The following SELENOI variants were observed in gnomAD, a reference collection of about 807,000 sequenced individuals.
The protein encoded by SELENOI is selenoprotein I, also known as ethanolaminephosphotransferase 1.
Under a neutral mutation model 50.7 loss-of-function variants are expected in SELENOI, and 24 were observed. The ratio of observed to expected loss-of-function variants is 0.47; its 90% confidence interval spans 0.34 to 0.67. The LOEUF (loss-of-function observed/expected upper bound fraction) is 0.67. SELENOI is among the 30% of genes least tolerant of loss of function. SELENOI has a pLI of 0.01. For missense variants in SELENOI, 352 were observed against 461.4 expected (o/e 0.76, Z 2.17); for synonymous variants, 155 against 170.2 (o/e 0.91, Z 0.70).
chr2:26,366,945 C>CTGT (rs1206103523), intron 3 of SELENOI, among the ~76,000 whole-genome samples: 1 of 152,194 alleles, frequency 6.6e-6, no homozygotes, highest in Non-Finnish European at 1.5e-5. Flanking sequence ...TAACTGCTTA[C>CTGT]TGTTTGTGAC....
intron 4 of SELENOI, 132 bp downstream of exon 4, chr2:26,367,352 A>G: frequency 3.1e-6 from 2 of 639,484 alleles, no homozygotes; most frequent in Non-Finnish European, 4.8e-6. Context: ...GTTCAAATTG[A>G]TAAATATGTT....
intron 4 of SELENOI, among the ~76,000 whole-genome samples, chr2:26,372,264 C>T (rs1344282886): frequency 6.6e-6 from 1 of 152,206 alleles, no homozygotes; most frequent in Non-Finnish European, 1.5e-5. Flanking sequence ...AGGTGTGCAC[C>T]ATCCCCGGCT....
At chr2:26,350,140 A>G (rs1027294763) in intron 1 of SELENOI, among the ~76,000 whole-genome samples, 1 of 151,670 alleles carries the variant, frequency 6.6e-6, no homozygotes, top group Non-Finnish European at 1.5e-5. Context: ...AAATATATAT[A>G]TAGTTTCATG....
At chr2:26,388,923 T>C in intron 9 of SELENOI, 82 bp from the exon 10 acceptor site, 1 of 1,072,394 alleles carries the variant, frequency 9.3e-7, no homozygotes, top group African/African-American at 1.6e-5. Flanking sequence ...TAAATTGTTA[T>C]CTCTAGGGGG....
intron 1 of SELENOI, among the ~76,000 whole-genome samples, chr2:26,360,771 A>G (rs779459246): frequency 8.0e-5 from 12 of 150,670 alleles, no homozygotes; most frequent in Admixed American, 2.0e-4. Flanking sequence ...GGGCCCTCCT[A>G]TCTTGTCATT....
chr2:26,357,672 C>A (rs1677091893), intron 1 of SELENOI, among the ~76,000 whole-genome samples: 1 of 152,176 alleles, frequency 6.6e-6, no homozygotes, highest in Admixed American at 6.5e-5. Flanking sequence ...GGCCTTCTTC[C>A]CTGTGTTTCT....
In SELENOI at chr2:26,385,091, T is replaced by A; in HGVS notation, c.864T>A (p.His288Gln). The change falls in exon 8 of 10, where the codon CAT becomes CAA. Residue 288 changes from histidine (H) to glutamine (Q), a missense_variant. His to Gln is a conservative substitution (Grantham distance 24). Coordinates refer to ENST00000260585, the MANE Select transcript of SELENOI (RefSeq NM_033505.4). The part of the protein sequence containing the change: ...LWSPSDILEL[H>Q]PRVFYFMVGT... ...CACCTTCAGATATTTTAGAGCTACATCCTAGAGTATTCTACTTTATGGTTG... is the reference window on the plus strand; with the variant it reads ...CACCTTCAGATATTTTAGAGCTACAACCTAGAGTATTCTACTTTATGGTTG... The A allele has an allele frequency of 6.2e-7, 1 of 1,610,470 alleles. No individual in the cohort carries two copies. Among genetic ancestry groups the A allele is most frequent in the Non-Finnish European group, 8.5e-7 (1 of 1,178,284 alleles).
chr2:26,371,100 A>G (rs866826244), intron 4 of SELENOI, among the ~76,000 whole-genome samples: 173 of 101,026 alleles, frequency 1.7e-3, no homozygotes, highest in South Asian at 9.9e-3. Flanking sequence ...TGGCCGGGCC[A>G]GGGGCTGACC....
chr2:26,385,880 A>G (rs1677828754), intron 8 of SELENOI, among the ~76,000 whole-genome samples: 1 of 152,246 alleles, frequency 6.6e-6, no homozygotes, highest in South Asian at 2.1e-4. Context: ...ATTAAATTAT[A>G]TTCAAGTAAG....
At chr2:26,365,260 C>A (rs997115617) in intron 3 of SELENOI, among the ~76,000 whole-genome samples, 2 of 152,210 alleles carry the variant, frequency 1.3e-5, no homozygotes, top group East Asian at 3.8e-4. Flanking sequence ...AATCCCCTTT[C>A]TTCTGAAGGA....
intron 4 of SELENOI, 136 bp from the exon 5 acceptor site, chr2:26,373,231 A>T: frequency 9.5e-7 from 1 of 1,047,612 alleles, no homozygotes; most frequent in Non-Finnish European, 1.4e-6. Flanking sequence ...AGATTTTTAT[A>T]GTACCAGCTG....
chr2:26,394,538 C>T lies in SELENOI; in HGVS notation c.*5435C>T, dbSNP rs1237795126. The T allele has an allele frequency of 6.6e-6, 1 of 151,994 alleles. No homozygotes were observed. Among genetic ancestry groups the T allele is most frequent in the Non-Finnish European group, 1.5e-5 (1 of 68,004 alleles). 9.4% of individuals were successfully genotyped at this position (151,994 alleles called of 1,614,324 possible). ...TTTTGTTGTTTAGATAACTTGCCTC[C>T]CTAGAGGAGCATTCAGGAGATAAAG... is the stretch of plus-strand genomic sequence containing the variant. On this transcript the variant is annotated 3_prime_UTR_variant, in exon 10 of 10. Transcript: ENST00000260585. This position sits in a 1 kb window ranked among gnomAD's most constrained non-coding sequence, Gnocchi z 4.1.
chr2:26,360,410 T>G (rs1044811162), intron 1 of SELENOI, among the ~76,000 whole-genome samples: 4 of 152,232 alleles, frequency 2.6e-5, no homozygotes, highest in Non-Finnish European at 5.9e-5. Context: ...GTGTCAAACT[T>G]CTGATCTCCT....
intron 1 of SELENOI, among the ~76,000 whole-genome samples, chr2:26,351,736 C>T (rs1416521768): frequency 6.6e-6 from 1 of 152,174 alleles, no homozygotes; most frequent in Non-Finnish European, 1.5e-5. Context: ...CTGTAGATCA[C>T]TGTGTGGTTC....
At chr2:26,360,901 T>C (rs957359076) in intron 1 of SELENOI, among the ~76,000 whole-genome samples, 1 of 152,150 alleles carries the variant, frequency 6.6e-6, no homozygotes, top group Admixed American at 6.5e-5. Context: ...TGATATCTAT[T>C]ATGGAAAGGC....
Position 26,390,169 on chromosome 2 carries a change from A to T in SELENOI, c.*1066A>T, listed in dbSNP as rs1677932549. Reference sequence around the variant, plus strand: ...TTGATATATATGCCTTACTGAGTACATGCCCCCTTTAATGTTAACATGACT... The same window carrying T: ...TTGATATATATGCCTTACTGAGTACTTGCCCCCTTTAATGTTAACATGACT... On this transcript the variant is annotated 3_prime_UTR_variant, in exon 10 of 10. Coordinates refer to ENST00000260585, the MANE Select transcript of SELENOI (RefSeq NM_033505.4). 1 of 151,102 alleles carries T rather than the reference A, an allele frequency of 6.6e-6. No individual in the cohort carries two copies. Among genetic ancestry groups the T allele is most frequent in the South Asian group, 2.1e-4 (1 of 4,664 alleles). The allele number at this position is 151,102 out of a possible 1,614,324, so 9.4% of individuals were successfully genotyped here.
At chr2:26,376,886 T>C (rs1349163305) in intron 6 of SELENOI, among the ~76,000 whole-genome samples, 4 of 152,256 alleles carry the variant, frequency 2.6e-5, no homozygotes, top group Non-Finnish European at 4.4e-5. Flanking sequence ...TCAGCTCATA[T>C]ATCATTGTCA....
At position 26,371,659 on chromosome 2, in the gene SELENOI, G is replaced by T. The variant is rs1677452786; in HGVS notation, c.311-1708G>T. On this transcript the variant is annotated intron_variant, in intron 4 of 9. Transcript: ENST00000260585. ...GGATCACTCGCGGTTAGGAGCTGGA[G>T]ACCAGCCCGGCCAACACAGCGAAAC... 3.3e-5 allele frequency among the ~76,000 whole-genome samples: 5 copies of T among 152,268 alleles called. No individual in the cohort carries two copies. In the South Asian group the frequency reaches 1.0e-3, roughly 31 times the overall value.
rs1269777454 is a variant in SELENOI, at chr2:26,391,010, AC to A, written c.*1908del. The A allele has an allele frequency of 4.6e-5, 7 of 152,360 alleles. No individual in the cohort carries two copies. The East Asian group carries it at 1.3e-3, about 29-fold the overall frequency. The allele number at this position is 152,360 out of a possible 1,614,324, so 9.4% of individuals were successfully genotyped here. A position where few individuals can be genotyped will look rare whatever the true frequency, so the allele number is the denominator to read the frequency against. On this transcript the variant is annotated 3_prime_UTR_variant, in exon 10 of 10. Transcript: ENST00000260585. ...AGAACTGATAAATATTTATAAAATG[AC>A]AAACTTGGACCACAGGCTTTCTTGA...
Sources: allele counts gnomAD v4.1 joint callset (sites outside exome capture counted in the v4.1 genomes callset), GRCh38; gene constraint gnomAD v4.1.1; non-coding constraint Gnocchi (gnomAD v3.1); transcripts MANE v1.5; gene names NCBI Gene and HGNC (gene_info 2026-07-23, HGNC 2026-07-21).